Variants in LEKR1 observed in about 807,000 individuals in gnomAD.
LEKR1 encodes the protein protein LEKR1.
In LEKR1, 59 loss-of-function variants were observed where a neutral mutation model predicts 72.4. The observed-to-expected ratio is 0.82, with a 90% confidence interval of 0.66 to 1.01. The LOEUF (loss-of-function observed/expected upper bound fraction) is 1.01, where lower values mean the gene tolerates loss of function less well. LEKR1 is among the 50% of genes least tolerant of loss of function. The pLI is 0.00. For synonymous variants in LEKR1, 257 were observed against 263.2 expected (o/e 0.98, Z 0.23); for missense variants, 728 against 759.2 (o/e 0.96, Z 0.48).
At chr3:156,950,188 A>T (rs1727024781) in intron 6 of LEKR1, among the ~76,000 whole-genome samples, 1 of 150,956 alleles carries the variant, frequency 6.6e-6, no homozygotes, top group South Asian at 2.1e-4. Flanking sequence ...CTTCTTCTTT[A>T]TTTGTAGTTA....
intron 12 of LEKR1, among the ~76,000 whole-genome samples, chr3:157,036,329 T>C (rs1172190363): frequency 6.6e-6 from 1 of 151,832 alleles, no homozygotes. Context: ...TTGGGTTAGA[T>C]GATAAAGATG....
chr3:156,944,317 A>G (rs1726490520), intron 6 of LEKR1, among the ~76,000 whole-genome samples: 1 of 151,708 alleles, frequency 6.6e-6, no homozygotes, highest in Admixed American at 6.6e-5. Flanking sequence ...AGGATACATG[A>G]GATATTTTGG....
rs73170806 is a variant in LEKR1 at position 157,006,373 on chromosome 3, G to T, written c.1110-5040G>T. 8.0e-3 allele frequency among the ~76,000 whole-genome samples: 1,225 copies of T among 152,272 alleles called. 6 individuals carry two copies. The highest frequency in any genetic ancestry group is 0.013 in the Non-Finnish European group (910 of 68,022). Reference sequence around the variant, plus strand: ...AGTATGAAGTGTTTACAAAGATATGGAGGAACTTGAACTCTTATAATCTAC... The same window carrying T: ...AGTATGAAGTGTTTACAAAGATATGTAGGAACTTGAACTCTTATAATCTAC... On this transcript the variant is annotated intron_variant, in intron 9 of 12. Coordinates refer to ENST00000356539, the MANE Select transcript of LEKR1 (RefSeq NM_001004316.3).
intron 2 of LEKR1, among the ~76,000 whole-genome samples, chr3:156,832,651 T>C (rs1712570628): frequency 6.6e-6 from 1 of 152,232 alleles, no homozygotes; most frequent in Non-Finnish European, 1.5e-5. Flanking sequence ...TGCACATACC[T>C]GTATGAATTG....
intron 7 of LEKR1, among the ~76,000 whole-genome samples, chr3:156,980,887 A>G (rs1408190663): frequency 6.6e-6 from 1 of 152,238 alleles, no homozygotes; most frequent in African/African-American, 2.4e-5. Context: ...TATTTTACAG[A>G]ATAAGTTGGC....
In LEKR1 at chr3:157,027,972, C is replaced by T. The variant is rs189589072; in HGVS notation, c.1369-131C>T. ...AAAAAGAAAATCTTGAAGGCCTGCACATCATGGGTTTGGTTTCATCTGATC... is the reference window on the plus strand; with the variant it reads ...AAAAAGAAAATCTTGAAGGCCTGCATATCATGGGTTTGGTTTCATCTGATC... On this transcript the variant is annotated intron_variant, in intron 11 of 12. Transcript: ENST00000356539. The T allele has an allele frequency of 3.9e-5, 21 of 537,580 alleles. No homozygotes were observed. In the Admixed American group the frequency reaches 6.3e-4, roughly 16 times the overall value. 33.3% of individuals were successfully genotyped at this position (537,580 alleles called of 1,614,324 possible). A position where few individuals can be genotyped will look rare whatever the true frequency, so the allele number is the denominator to read the frequency against.
chr3:156,869,897 G>A (rs1481741072), intron 3 of LEKR1, among the ~76,000 whole-genome samples: 1 of 151,798 alleles, frequency 6.6e-6, no homozygotes, highest in Non-Finnish European at 1.5e-5. Context: ...GGTGAGAGAG[G>A]GGTCCAATTT....
intron 12 of LEKR1, among the ~76,000 whole-genome samples, chr3:157,034,962 C>A (rs1179419271): frequency 1.3e-5 from 2 of 152,154 alleles, no homozygotes; most frequent in African/African-American, 4.8e-5. Context: ...ACTGCCATCC[C>A]AACCTTCAGC....
At chr3:156,959,958 T>A (rs1727970550) in intron 6 of LEKR1, among the ~76,000 whole-genome samples, 1 of 152,154 alleles carries the variant, frequency 6.6e-6, no homozygotes, top group Non-Finnish European at 1.5e-5. Flanking sequence ...CCACCCATGT[T>A]CCCTACCAAT....
intron 4 of LEKR1, among the ~76,000 whole-genome samples, chr3:156,922,525 T>C (rs1724306614): frequency 6.6e-6 from 1 of 152,164 alleles, no homozygotes; most frequent in South Asian, 2.1e-4. Context: ...AACTATGTTT[T>C]GGGGTCCATT....
chr3:156,837,581 T>A (rs1713316670), intron 2 of LEKR1, among the ~76,000 whole-genome samples: 1 of 152,206 alleles, frequency 6.6e-6, no homozygotes, highest in South Asian at 2.1e-4. Context: ...TAGGCCCTTG[T>A]TCTATCCTAC....
chr3:156,988,752 G>A (rs556604603), intron 7 of LEKR1: 5 of 183,994 alleles, frequency 2.7e-5, no homozygotes, highest in African/African-American at 7.0e-5. Context: ...GTATCTTTGA[G>A]GGGGAGGGAA....
chr3:156,846,885 T>A (rs1410372558), intron 2 of LEKR1, among the ~76,000 whole-genome samples: 1 of 152,154 alleles, frequency 6.6e-6, no homozygotes, highest in Non-Finnish European at 1.5e-5. Flanking sequence ...CCATCTCAGC[T>A]CACTGCAGCC....
intron 9 of LEKR1, among the ~76,000 whole-genome samples, chr3:157,009,783 T>G (rs1732742703): frequency 6.6e-6 from 1 of 152,094 alleles, no homozygotes; most frequent in Admixed American, 6.5e-5. Context: ...AGAATTTCTT[T>G]GTACACTTAT....
At position 156,966,208 on chromosome 3, in the gene LEKR1, A is replaced by G. The variant is rs550539902; in HGVS notation, c.746-12986A>G. On this transcript the variant is annotated intron_variant, in intron 6 of 12. Coordinates refer to ENST00000356539, the MANE Select transcript of LEKR1 (RefSeq NM_001004316.3). ...CCACAGCTCCCAGCATGAGTGACGCAGAAGACGGGTGATTTCTGCATTTCC... is the reference window on the plus strand; with the variant it reads ...CCACAGCTCCCAGCATGAGTGACGCGGAAGACGGGTGATTTCTGCATTTCC... Among the ~76,000 whole-genome samples the G allele has an allele frequency of 7.9e-5, 12 of 152,320 alleles. No individual in the cohort carries two copies. In the South Asian group the frequency reaches 1.9e-3, roughly 24 times the overall value.
chr3:157,033,306 A>C (rs1408337967), intron 12 of LEKR1, among the ~76,000 whole-genome samples: 1 of 152,252 alleles, frequency 6.6e-6, no homozygotes, highest in East Asian at 1.9e-4. Context: ...CCAGAAGCTA[A>C]GCCTCTTGTT....
At chr3:157,040,861 C>T (rs1025815613) in intron 12 of LEKR1, among the ~76,000 whole-genome samples, 1 of 152,158 alleles carries the variant, frequency 6.6e-6, no homozygotes, top group Non-Finnish European at 1.5e-5. Flanking sequence ...AGCTGATTCC[C>T]GTTGCAAATG....
At chr3:156,882,547 G>A (rs1375740577) in intron 3 of LEKR1, among the ~76,000 whole-genome samples, 1 of 152,148 alleles carries the variant, frequency 6.6e-6, no homozygotes, top group Non-Finnish European at 1.5e-5. Flanking sequence ...CTTTTACACT[G>A]TTGGTGGGAG....
rs374953208 is a variant in LEKR1, at chr3:157,022,627, G to A, written c.1204-2133G>A. Among the ~76,000 whole-genome samples, 5 of 152,250 alleles carry A rather than the reference G, an allele frequency of 3.3e-5. No homozygotes were observed. In the East Asian group the frequency reaches 9.7e-4, roughly 29 times the overall value. ...AAATAAGAGGGAGAAACAGGCTTTG[G>A]GAAGAGTGTTGTTACAAGATTTCTG... On this transcript the variant is annotated intron_variant, in intron 10 of 12. Transcript: ENST00000356539.
Sources: gnomAD v4.1 joint callset for allele counts (sites outside exome capture counted in the v4.1 genomes callset) on GRCh38, gnomAD v4.1.1 for gene constraint, MANE v1.5 for transcripts, NCBI Gene and HGNC (gene_info 2026-07-23, HGNC 2026-07-21) for gene names.